The following PTPN11 variants were observed in gnomAD, a reference collection of about 807,000 sequenced individuals.
PTPN11 encodes tyrosine-protein phosphatase non-receptor type 11.
PTPN11 carries 6 observed loss-of-function variants against 78.8 expected under a neutral mutation model. The observed-to-expected ratio is 0.08, with a 90% CI of 0.04 to 0.15. The LOEUF is 0.15. Ranked by LOEUF, PTPN11 falls within the 10% of genes least tolerant of loss-of-function variation. The pLI is 1.00. For missense variants in PTPN11, 386 were observed against 744.8 expected (o/e 0.52, Z 5.61); for synonymous variants, 221 against 263.5 (o/e 0.84, Z 1.56).
At chr12:112,442,965 A>G (rs983238028) in intron 1 of PTPN11, among the ~76,000 whole-genome samples, 1 of 147,702 alleles carries the variant, frequency 6.8e-6, no homozygotes, top group Non-Finnish European at 1.5e-5. Context: ...ACACATGTAT[A>G]TATACATGTG....
At chr12:112,492,759 T>C (rs535551858) in intron 13 of PTPN11, among the ~76,000 whole-genome samples, 24 of 152,162 alleles carry the variant, frequency 1.6e-4, no homozygotes, top group East Asian at 5.8e-4. Flanking sequence ...CCTTGTGATC[T>C]GCCCGCCTTG....
At chr12:112,454,521 A>G (rs2038124072) in intron 4 of PTPN11, 43 bp from the exon 5 acceptor site, 1 of 1,429,394 alleles carries the variant, frequency 7.0e-7, no homozygotes, top group African/African-American at 1.4e-5. Context: ...CTAATGTAAC[A>G]TAAAGGTAAC....
chr12:112,474,447 G>A (rs2038467975), intron 7 of PTPN11, among the ~76,000 whole-genome samples: 1 of 152,036 alleles, frequency 6.6e-6, no homozygotes, highest in South Asian at 2.1e-4. Context: ...TGAACTCCTG[G>A]GCTCAAGTAG....
At chr12:112,450,224 C>T (rs891211606) in intron 2 of PTPN11, 94 bp from the exon 3 acceptor site, 4 of 1,203,164 alleles carry the variant, frequency 3.3e-6, no homozygotes, top group Non-Finnish European at 4.9e-6. Flanking sequence ...TCTTTCAACA[C>T]TTAGGTAAAA....
chr12:112,502,312 T>A, intron 14 of PTPN11, 56 bp downstream of exon 14: 1 of 1,456,848 alleles, frequency 6.9e-7, no homozygotes, highest in Non-Finnish European at 9.6e-7. Flanking sequence ...TAAAAAGGTT[T>A]AAAAAACAAA....
intron 10 of PTPN11, among the ~76,000 whole-genome samples, chr12:112,484,467 G>A (rs533197042): frequency 2.0e-5 from 3 of 152,170 alleles, no homozygotes; most frequent in South Asian, 2.1e-4. Context: ...CCCAGAGCAC[G>A]GGGACTCCTG....
At chr12:112,428,489 C>T (rs1419583472) in intron 1 of PTPN11, among the ~76,000 whole-genome samples, 1 of 138,270 alleles carries the variant, frequency 7.2e-6, no homozygotes, top group African/African-American at 2.7e-5. Flanking sequence ...TTTATTAATT[C>T]CACTGTTCTT....
At chr12:112,420,502 C>T (rs2037506899) in intron 1 of PTPN11, among the ~76,000 whole-genome samples, 1 of 152,066 alleles carries the variant, frequency 6.6e-6, no homozygotes, top group Admixed American at 6.6e-5. Context: ...CACCACTATG[C>T]CCGGCTAATT....
At chr12:112,489,278 T>A in intron 13 of PTPN11, 103 bp downstream of exon 13, 1 of 1,393,972 alleles carries the variant, frequency 7.2e-7, no homozygotes, top group Non-Finnish European at 1.0e-6. Context: ...GACAACTGTT[T>A]GATTTCGGAA....
At chr12:112,448,207 TTTC>T (rs1008668512) in intron 2 of PTPN11, among the ~76,000 whole-genome samples, 1 of 151,848 alleles carries the variant, frequency 6.6e-6, no homozygotes, top group African/African-American at 2.4e-5. Flanking sequence ...TTTCATTCTT[TTTC>T]TTTTTTTCTT....
Position 112,489,154 on chromosome 12 carries a change from G to C in PTPN11, c.1578G>C (p.Gln526His), listed in dbSNP as rs777116808. ...TCCAGCATTATATTGAAACACTACA[G>C]CGCAGGATTGAAGAAGAGCAGGTAC... ...MAVQHYIETLQRRIEEEQKSK... is the reference protein window; with the variant it reads ...MAVQHYIETLHRRIEEEQKSK... The change falls in exon 13 of 16, where the codon CAG (glutamine) becomes CAC (histidine). Residue 526 changes from glutamine to histidine, a missense_variant. Physicochemically the swap from Gln to His is conservative, Grantham distance 24 (BLOSUM62 0). Around this residue, in one of 3 missense-constraint regions of PTPN11, gnomAD observed 63 missense variants for 182.2 expected, o/e 0.35. Transcript: ENST00000351677. 1 of 1,614,198 alleles carries C rather than the reference G, an allele frequency of 6.2e-7. No individual in the cohort carries two copies. The highest frequency in any genetic ancestry group is 2.2e-5 in the East Asian group (1 of 44,886).
rs1401400282 is a variant in PTPN11 at position 112,482,047 on chromosome 12, ACTTT to A, written c.1093-22_1093-19del. Reference sequence around the variant, plus strand: ...TTTTATTTCAGAGTTCACAGAATTAACTTTCTTTTTTTCTGATCTCTTCCAGAGT... The same window carrying A: ...TTTTATTTCAGAGTTCACAGAATTAACTTTTTTTCTGATCTCTTCCAGAGT... On this transcript the variant is annotated intron_variant, in intron 9 of 15. Coordinates refer to ENST00000351677, the MANE Select transcript of PTPN11 (RefSeq NM_002834.5). This position sits in a 1 kb window ranked among gnomAD's most constrained non-coding sequence, Gnocchi z 4.4. 2 of 1,539,216 alleles carry A rather than the reference ACTTT, an allele frequency of 1.3e-6. No homozygotes were observed. Among genetic ancestry groups the A allele is most frequent in the Admixed American group, 1.7e-5 (1 of 59,838 alleles).
intron 13 of PTPN11, among the ~76,000 whole-genome samples, chr12:112,490,304 CTTTTT>C (rs1258631865): frequency 3.1e-5 from 4 of 128,726 alleles, no homozygotes; most frequent in Non-Finnish European, 3.3e-5. Context: ...TCAGGGATGT[CTTTTT>C]TTTTTTTTTT....
intron 6 of PTPN11, among the ~76,000 whole-genome samples, chr12:112,466,078 G>C (rs1353365362): frequency 1.3e-5 from 2 of 152,202 alleles, no homozygotes; most frequent in Non-Finnish European, 2.9e-5. Flanking sequence ...AGAGTGTACA[G>C]TCAAGTGGGA....
intron 1 of PTPN11, among the ~76,000 whole-genome samples, chr12:112,444,887 G>T (rs2037966381): frequency 1.3e-5 from 2 of 152,040 alleles, no homozygotes; most frequent in African/African-American, 4.8e-5. Context: ...TACTTTTACT[G>T]CCCCAACGCT....
intron 6 of PTPN11, among the ~76,000 whole-genome samples, chr12:112,466,607 C>A (rs568413236): frequency 6.6e-6 from 1 of 152,272 alleles, no homozygotes; most frequent in East Asian, 1.9e-4. Flanking sequence ...CTGCCTCAGC[C>A]TCCCAAAGTG....
At chr12:112,484,852 A>G (rs945516106) in intron 10 of PTPN11, among the ~76,000 whole-genome samples, 17 of 151,892 alleles carry the variant, frequency 1.1e-4, no homozygotes, top group Non-Finnish European at 1.5e-5. Context: ...GTGCCACTGC[A>G]CTCCAGCCTT....
rs1302456110 is a variant in PTPN11 at position 112,482,909 on chromosome 12, G to A, written c.1224+704G>A. Among the ~76,000 whole-genome samples the A allele has an allele frequency of 1.3e-5, 2 of 152,090 alleles. No individual in the cohort carries two copies. The highest frequency in any genetic ancestry group is 2.9e-5 in the Non-Finnish European group (2 of 68,022). Reference sequence around the variant, plus strand: ...GTGGGCAGTGATTTGTTTTCTTCTGGATGTGTTCAGCTGGGCATCTGAACA... The same window carrying A: ...GTGGGCAGTGATTTGTTTTCTTCTGAATGTGTTCAGCTGGGCATCTGAACA... On this transcript the variant is annotated intron_variant, in intron 10 of 15. Transcript: ENST00000351677. The surrounding 1 kb of genome is among the most constrained non-coding windows in gnomAD (Gnocchi z 4.4).
At chr12:112,444,122 A>G (rs565539635) in intron 1 of PTPN11, among the ~76,000 whole-genome samples, 1 of 152,262 alleles carries the variant, frequency 6.6e-6, no homozygotes, top group East Asian at 1.9e-4. Flanking sequence ...GGGGAGCGGC[A>G]TTCAAACTAT....
Sources: gnomAD v4.1 joint callset for allele counts (sites outside exome capture counted in the v4.1 genomes callset) on GRCh38, gnomAD v4.1.1 for gene constraint, gnomAD v4.1.1 regional missense constraint, Gnocchi (gnomAD v3.1) non-coding constraint, MANE v1.5 for transcripts, NCBI Gene and HGNC (gene_info 2026-07-23, HGNC 2026-07-21) for gene names.